Variants in SNTG1 observed in about 807,000 individuals in gnomAD.
SNTG1 encodes the protein syntrophin gamma 1.
Under a neutral mutation model 74.7 loss-of-function variants are expected in SNTG1, and 39 were observed. That is an observed-to-expected ratio of 0.52 (90% confidence interval 0.40 to 0.68). SNTG1 has a LOEUF of 0.68. SNTG1 is among the 30% of genes least tolerant of loss of function. The pLI is 0.00. For synonymous variants in SNTG1, 254 were observed against 217.1 expected (o/e 1.17, Z -1.49); for missense variants, 685 against 609.5 (o/e 1.12, Z -1.30).
chr8:50,051,458 A>T (rs1351489992), intron 1 of SNTG1, among the ~76,000 whole-genome samples: 2 of 152,184 alleles, frequency 1.3e-5, no homozygotes, highest in Non-Finnish European at 2.9e-5. Context: ...AAAAGTGCAA[A>T]CATGTATGCA....
chr8:50,566,042 A>C (rs1268828411), intron 12 of SNTG1, among the ~76,000 whole-genome samples: 3 of 150,390 alleles, frequency 2.0e-5, no homozygotes, highest in African/African-American at 7.5e-5. Context: ...CATAAGACTC[A>C]ATTTATTTTT....
At chr8:49,994,653 A>T (rs368415614) in intron 1 of SNTG1, among the ~76,000 whole-genome samples, 21 of 152,124 alleles carry the variant, frequency 1.4e-4, no homozygotes, top group South Asian at 6.2e-4. Flanking sequence ...GCTAAAAAAA[A>T]CTGTTAAATA....
chr8:50,258,429 CA>C (rs1285344866), intron 2 of SNTG1, among the ~76,000 whole-genome samples: 1 of 151,924 alleles, frequency 6.6e-6, no homozygotes, highest in African/African-American at 2.4e-5. Flanking sequence ...CATCCATACA[CA>C]AAAGAAAATC....
intron 1 of SNTG1, among the ~76,000 whole-genome samples, chr8:49,984,474 G>T (rs984082743): frequency 1.5e-4 from 23 of 152,088 alleles, no homozygotes; most frequent in African/African-American, 5.5e-4. Flanking sequence ...CAAAGTGCTG[G>T]GATTATAGGC....
chr8:50,783,107 G>A (rs1161405884), intron 18 of SNTG1, among the ~76,000 whole-genome samples: 2 of 152,134 alleles, frequency 1.3e-5, no homozygotes, highest in African/African-American at 2.4e-5. Flanking sequence ...GTGTCAGTCT[G>A]GGGGGTGCCT....
At chr8:50,177,845 A>G (rs1200660870) in intron 2 of SNTG1, among the ~76,000 whole-genome samples, 1 of 152,164 alleles carries the variant, frequency 6.6e-6, no homozygotes, top group African/African-American at 2.4e-5. Context: ...TCACCACCCA[A>G]AAATATCCCC....
chr8:50,687,558 A>T (rs1375148599), intron 15 of SNTG1, among the ~76,000 whole-genome samples: 1 of 152,170 alleles, frequency 6.6e-6, no homozygotes, highest in Admixed American at 6.5e-5. Flanking sequence ...TTATGTAGTG[A>T]TAAAGGGATA....
At chr8:50,660,433 GA>G (rs2095216095) in intron 15 of SNTG1, among the ~76,000 whole-genome samples, 5 of 101,802 alleles carry the variant, frequency 4.9e-5, no homozygotes. Context: ...AAAGAAGAAA[GA>G]AAGAAAGAGA....
intron 1 of SNTG1, among the ~76,000 whole-genome samples, chr8:49,913,111 T>C (rs577152834): frequency 6.6e-6 from 1 of 152,364 alleles, no homozygotes; most frequent in Non-Finnish European, 1.5e-5. Flanking sequence ...AAGGGTTCAC[T>C]GGGCAAAAGC....
At chr8:50,055,281 T>C (rs996763841) in intron 1 of SNTG1, among the ~76,000 whole-genome samples, 1 of 152,130 alleles carries the variant, frequency 6.6e-6, no homozygotes, top group African/African-American at 2.4e-5. Flanking sequence ...ATATGTTCCA[T>C]TTTCTCTACT....
chr8:50,392,637 C>T (rs1244870579), intron 2 of SNTG1, among the ~76,000 whole-genome samples: 1 of 149,286 alleles, frequency 6.7e-6, no homozygotes, highest in Non-Finnish European at 1.5e-5. Flanking sequence ...TTTTATCTAA[C>T]TGTATGTAGA....
Position 50,390,527 on chromosome 8 carries a change from G to T in SNTG1, c.-27-3685G>T, listed in dbSNP as rs548013598. On this transcript the variant is annotated intron_variant, in intron 2 of 18. Coordinates refer to ENST00000642720, the MANE Select transcript of SNTG1 (RefSeq NM_018967.5). ...TGATGCCTCCAGCTTTGTTCTTTTGGCTTAGGATTGACTTGGCAATGCTGG... is the reference window on the plus strand; with the variant it reads ...TGATGCCTCCAGCTTTGTTCTTTTGTCTTAGGATTGACTTGGCAATGCTGG... Among the ~76,000 whole-genome samples, 7 of 152,204 alleles carry T rather than the reference G, an allele frequency of 4.6e-5. No homozygotes were observed. In the East Asian group the frequency reaches 1.4e-3, roughly 29 times the overall value.
intron 1 of SNTG1, among the ~76,000 whole-genome samples, chr8:50,088,679 C>A (rs1057509503): frequency 5.1e-5 from 7 of 136,872 alleles, no homozygotes; most frequent in African/African-American, 1.5e-4. Flanking sequence ...AATAAAATAC[C>A]TAGGAATCCA....
intron 2 of SNTG1, among the ~76,000 whole-genome samples, chr8:50,272,742 C>CT (rs1397561993): frequency 6.6e-6 from 1 of 152,038 alleles, no homozygotes; most frequent in Non-Finnish European, 1.5e-5. Context: ...TAATTCTACA[C>CT]TTTCTTTTTT....
chr8:50,593,841 C>G (rs995947613), intron 13 of SNTG1, among the ~76,000 whole-genome samples: 2 of 151,948 alleles, frequency 1.3e-5, no homozygotes, highest in African/African-American at 4.8e-5. Context: ...CCTCAGCCTC[C>G]CAAGCAGCTG....
Position 50,597,890 on chromosome 8 carries a change from C to G in SNTG1, c.849+6973C>G, listed in dbSNP as rs186765930. The stretch of plus-strand genomic sequence containing the variant: ...GAGAAATGTCTATTCAGATCTTTTG[C>G]CCATTTTAAAATCCAATTACATGGT... On this transcript the variant is annotated intron_variant, in intron 13 of 18. Coordinates refer to ENST00000642720, the MANE Select transcript of SNTG1 (RefSeq NM_018967.5). Among the ~76,000 whole-genome samples the G allele has an allele frequency of 2.9e-3, 438 of 151,920 alleles. 1 individual carries two copies. Among genetic ancestry groups the G allele is most frequent in the Admixed American group, 4.7e-3 (72 of 15,254 alleles).
At chr8:50,020,354 G>A (rs1816709736) in intron 1 of SNTG1, among the ~76,000 whole-genome samples, 1 of 152,058 alleles carries the variant, frequency 6.6e-6, no homozygotes, top group African/African-American at 2.4e-5. Flanking sequence ...ACACAGACAA[G>A]GCTTCCTACA....
At chr8:50,114,592 C>T (rs566257644) in intron 1 of SNTG1, among the ~76,000 whole-genome samples, 30 of 152,190 alleles carry the variant, frequency 2.0e-4, no homozygotes, top group East Asian at 5.8e-4. Context: ...CAAAGCCGGG[C>T]GCAGTGGCTC....
chr8:49,987,552 T>A (rs559484108), intron 1 of SNTG1, among the ~76,000 whole-genome samples: 55 of 152,252 alleles, frequency 3.6e-4, no homozygotes, highest in South Asian at 1.2e-3. Context: ...TGAATATAGT[T>A]GTGAAATTAT....
Sources: allele counts gnomAD v4.1 joint callset (sites outside exome capture counted in the v4.1 genomes callset), GRCh38; gene constraint gnomAD v4.1.1; transcripts MANE v1.5; gene names NCBI Gene and HGNC (gene_info 2026-07-23, HGNC 2026-07-21).